Variants in SPSB1 observed in about 807,000 individuals in gnomAD.
SPSB1 encodes SPRY domain-containing SOCS box protein 1.
A neutral mutation model predicts 21.2 loss-of-function variants in SPSB1; 8 were observed. The ratio of observed to expected loss-of-function variants is 0.38; its 90% CI spans 0.22 to 0.68. The LOEUF (loss-of-function observed/expected upper bound fraction) is 0.68. SPSB1 is among the 30% of genes least tolerant of loss of function. The pLI is 0.53. For synonymous variants in SPSB1, 169 were observed against 161.7 expected (o/e 1.05, Z -0.34); for missense variants, 242 against 377.8 (o/e 0.64, Z 2.98).
At chr1:9,303,729 T>C (rs183647965) in intron 1 of SPSB1, among the ~76,000 whole-genome samples, 3 of 152,308 alleles carry the variant, frequency 2.0e-5, no homozygotes, top group African/African-American at 7.2e-5. Context: ...AACTATGACC[T>C]TGATACTGTC....
chr1:9,364,479 G>A (rs1356069470), intron 2 of SPSB1, among the ~76,000 whole-genome samples: 9 of 152,228 alleles, frequency 5.9e-5, no homozygotes, highest in Non-Finnish European at 4.4e-5. Context: ...TCAGGCTGCG[G>A]GGCAGGGTCT....
chr1:9,313,509 G>C (rs969005113), intron 1 of SPSB1, among the ~76,000 whole-genome samples: 7 of 152,220 alleles, frequency 4.6e-5, no homozygotes, highest in Non-Finnish European at 8.8e-5. Context: ...CCGAACTGCT[G>C]CCCACATGAC....
intron 1 of SPSB1, among the ~76,000 whole-genome samples, chr1:9,312,243 C>G (rs1294805169): frequency 6.6e-6 from 1 of 152,052 alleles, no homozygotes; most frequent in Non-Finnish European, 1.5e-5. Flanking sequence ...AGGTTGGTCT[C>G]GAACCCGTCC....
rs1228872048 is a variant in SPSB1 at position 9,317,083 on chromosome 1, CG to C, written c.-150+24013del. ...TGAGGGTTTGCTTCCGGTGCTCTCG[CG>C]AAGGAAAGAGAGAACTCACAAATAA... On this transcript the variant is annotated intron_variant, in intron 1 of 2. Coordinates refer to ENST00000328089, the MANE Select transcript of SPSB1 (RefSeq NM_025106.4). The surrounding 1 kb of genome is among the most constrained non-coding windows in gnomAD (Gnocchi z 4.3). Among the ~76,000 whole-genome samples, 16 of 152,146 alleles carry C rather than the reference CG, an allele frequency of 1.1e-4. No homozygotes were observed. The highest frequency in any genetic ancestry group is 4.2e-4 in the South Asian group (2 of 4,814).
intron 1 of SPSB1, among the ~76,000 whole-genome samples, chr1:9,295,395 C>G (rs974060880): frequency 6.6e-6 from 1 of 152,164 alleles, no homozygotes; most frequent in Non-Finnish European, 1.5e-5. Context: ...GGGAGCAAGG[C>G]GGGTGCCATG....
Position 9,348,204 on chromosome 1 carries a change from C to T in SPSB1, c.-149-7539C>T, listed in dbSNP as rs543813925. Among the ~76,000 whole-genome samples the T allele has an allele frequency of 7.9e-5, 12 of 152,018 alleles. No individual in the cohort carries two copies. Among genetic ancestry groups the T allele is most frequent in the Non-Finnish European group, 1.5e-4 (10 of 68,008 alleles). ...AGGTGATCTGCCCACCTCGGCCTCT[C>T]AAAGTGCTGGGATTACAGGCGTGAG... On this transcript the variant is annotated intron_variant, in intron 1 of 2. Transcript: ENST00000328089. The surrounding 1 kb of genome is among the most constrained non-coding windows in gnomAD (Gnocchi z 4.8).
chr1:9,298,921 C>G (rs1013755054), intron 1 of SPSB1, among the ~76,000 whole-genome samples: 1 of 152,176 alleles, frequency 6.6e-6, no homozygotes, highest in Non-Finnish European at 1.5e-5. Flanking sequence ...TTGCCTCTGC[C>G]TGGGAAAATA....
At chr1:9,357,958 A>C (rs1640401719) in intron 2 of SPSB1, among the ~76,000 whole-genome samples, 1 of 152,166 alleles carries the variant, frequency 6.6e-6, no homozygotes, top group African/African-American at 2.4e-5. Flanking sequence ...CTGTCCTTAA[A>C]GGGCAGGTTC....
At chr1:9,336,829 C>T (rs1557457739) in intron 1 of SPSB1, among the ~76,000 whole-genome samples, 1 of 152,214 alleles carries the variant, frequency 6.6e-6, no homozygotes, top group African/African-American at 2.4e-5. Context: ...ACTAGCCCTC[C>T]ATCTCCATTT....
In SPSB1 at chr1:9,363,696, T is replaced by G. The variant is rs1640512958; in HGVS notation, c.695-3752T>G. ...GGGGCTCATGTGGGCCTCTGCAGTT[T>G]TAGAAAATTTTTTTTTTTTTGGAGA... On this transcript the variant is annotated intron_variant, in intron 2 of 2. Transcript: ENST00000328089. The surrounding 1 kb of genome is among the most constrained non-coding windows in gnomAD (Gnocchi z 4.5). Among the ~76,000 whole-genome samples the G allele has an allele frequency of 6.6e-6, 1 of 152,052 alleles. No homozygotes were observed. The highest frequency in any genetic ancestry group is 6.6e-5 in the Admixed American group (1 of 15,254).
At chr1:9,337,540 C>T (rs910081517) in intron 1 of SPSB1, among the ~76,000 whole-genome samples, 2 of 152,054 alleles carry the variant, frequency 1.3e-5, no homozygotes, top group African/African-American at 4.8e-5. Context: ...GAGGGGTGCA[C>T]CCTAACCTCG....
rs548331121 is a variant in SPSB1 at position 9,367,516 on chromosome 1, G to A, written c.763G>A (p.Gly255Arg). ...CCTGGCCCTGGGGAGGGAGCGCCTG[G>A]GGGAGATCCACACGCTGCCGCTGCC... ...VRLALGRERL[G>R]EIHTLPLPAS... Residue 255 changes from glycine to arginine, a missense_variant, in exon 3 of 3, where the codon GGG becomes AGG. Transcript: ENST00000328089. This position sits in a 1 kb window ranked among gnomAD's most constrained non-coding sequence, Gnocchi z 5.9. The A allele has an allele frequency of 1.2e-4, 194 of 1,610,678 alleles. 1 individual carries two copies. The highest frequency in any genetic ancestry group is 1.5e-4 in the Non-Finnish European group (179 of 1,178,808).
chr1:9,351,838 T>C (rs1452075398), intron 1 of SPSB1, among the ~76,000 whole-genome samples: 1 of 152,304 alleles, frequency 6.6e-6, no homozygotes, highest in African/African-American at 2.4e-5. Flanking sequence ...CCACAGTGAT[T>C]GACCACCTGG....
At chr1:9,294,769 TG>T (rs1204276787) in intron 1 of SPSB1, among the ~76,000 whole-genome samples, 1 of 152,092 alleles carries the variant, frequency 6.6e-6, no homozygotes, top group African/African-American at 2.4e-5. Context: ...CATCGTGGGG[TG>T]TGAGGAGAAC....
intron 1 of SPSB1, among the ~76,000 whole-genome samples, chr1:9,309,301 A>AGAGAGT (rs1245605413): frequency 1.1e-4 from 15 of 133,230 alleles, no homozygotes; most frequent in East Asian, 4.4e-4. Flanking sequence ...AGAGAGAGAG[A>AGAGAGT]GTGTGTGTGT....
intron 1 of SPSB1, among the ~76,000 whole-genome samples, chr1:9,323,375 C>T (rs1482633677): frequency 1.3e-5 from 2 of 152,198 alleles, no homozygotes; most frequent in African/African-American, 2.4e-5. Flanking sequence ...GGGGACTTTC[C>T]ATGTCTCCCC....
rs1640173327 is a variant in SPSB1, at chr1:9,346,859, C to T, written c.-149-8884C>T. 6.6e-6 allele frequency among the ~76,000 whole-genome samples: 1 copy of T among 152,234 alleles called. No individual in the cohort carries two copies. Among genetic ancestry groups the T allele is most frequent in the Non-Finnish European group, 1.5e-5 (1 of 68,046 alleles). On this transcript the variant is annotated intron_variant, in intron 1 of 2. Coordinates refer to ENST00000328089, the MANE Select transcript of SPSB1 (RefSeq NM_025106.4). The surrounding 1 kb of genome is among the most constrained non-coding windows in gnomAD (Gnocchi z 4.4). The stretch of plus-strand genomic sequence containing the variant: ...GGACCAGCTGTTCTCTTCTTGTGTT[C>T]TGGGTCAGTAGAGAGAGACAGCCGC...
intron 1 of SPSB1, among the ~76,000 whole-genome samples, chr1:9,335,442 C>A (rs1266593755): frequency 2.6e-5 from 4 of 151,116 alleles, no homozygotes; most frequent in Non-Finnish European, 1.5e-5. Flanking sequence ...GTGAAGGTTG[C>A]AGTGAGCTGA....
At chr1:9,329,166 A>G (rs946333740) in intron 1 of SPSB1, among the ~76,000 whole-genome samples, 5 of 152,124 alleles carry the variant, frequency 3.3e-5, no homozygotes, top group Non-Finnish European at 7.4e-5. Flanking sequence ...AGTTGTATGA[A>G]GCAGTGTGAG....
Sources: allele counts gnomAD v4.1 joint callset (sites outside exome capture counted in the v4.1 genomes callset), GRCh38; gene constraint gnomAD v4.1.1; non-coding constraint Gnocchi (gnomAD v3.1); transcripts MANE v1.5; gene names NCBI Gene and HGNC (gene_info 2026-07-23, HGNC 2026-07-21).